Variants in DENND1A observed in about 807,000 individuals in gnomAD.
DENND1A encodes the protein DENN domain containing 1A.
A neutral mutation model predicts 113.7 loss-of-function variants in DENND1A; 51 were observed. The observed-to-expected ratio is 0.45, with a 90% CI of 0.36 to 0.57. DENND1A has a LOEUF of 0.57. DENND1A is among the 20% of genes least tolerant of loss of function. The pLI is 0.00. For synonymous variants in DENND1A, 565 were observed against 570.8 expected, an observed-to-expected ratio of 0.99 and a Z score of 0.14; for missense variants, 1,258 against 1,395.9, an observed-to-expected ratio of 0.90 and a Z score of 1.57.
rs546708178 is a variant in DENND1A at position 123,547,490 on chromosome 9, T to C, written c.993+10080A>G. Among the ~76,000 whole-genome samples, 9 of 152,236 alleles carry C rather than the reference T, an allele frequency of 5.9e-5. No homozygotes were observed. In the East Asian group the frequency reaches 1.5e-3, roughly 26 times the overall value. ...GTTGTGGTGAGCTGAGATGTCGCCA[T>C]TGCACTCCAGCCTGGGCAACAAGAG... On this transcript the variant is annotated intron_variant, in intron 13 of 23. Transcript: ENST00000394215.
chr9:123,726,864 T>C (rs547154151), intron 5 of DENND1A, among the ~76,000 whole-genome samples: 16 of 152,306 alleles, frequency 1.1e-4, no homozygotes, highest in Middle Eastern at 3.4e-3. Context: ...TGCAAAGGTA[T>C]CCTATCCTCC....
intron 13 of DENND1A, among the ~76,000 whole-genome samples, chr9:123,546,817 G>T (rs1202059274): frequency 6.6e-6 from 1 of 152,210 alleles, no homozygotes; most frequent in African/African-American, 2.4e-5. Flanking sequence ...ATTCCTCCAG[G>T]ATGGTGCAAG....
intron 2 of DENND1A, among the ~76,000 whole-genome samples, chr9:123,833,488 G>T (rs1226714183): frequency 6.6e-6 from 1 of 152,048 alleles, no homozygotes; most frequent in Non-Finnish European, 1.5e-5. Flanking sequence ...GATCAAGTGA[G>T]AACCCTGCCA....
At chr9:123,427,384 CG>C (rs1399761748) in intron 19 of DENND1A, among the ~76,000 whole-genome samples, 1 of 152,202 alleles carries the variant, frequency 6.6e-6, no homozygotes. Flanking sequence ...CTCCTAGCCC[CG>C]GGACTGCAGT....
In DENND1A at chr9:123,663,609, CTGGAGGGAGAGTGGGATTGGGGT is replaced by C. The variant is rs1385349595; in HGVS notation, c.507+3394_507+3416del. Reference sequence around the variant, plus strand: ...TCCTAGAGAAAGGTTTCATCAAACACTGGAGGGAGAGTGGGATTGGGGTTGGAGGGAGAGTGGGATTGGGGTTG... The same window carrying C: ...TCCTAGAGAAAGGTTTCATCAAACACTGGAGGGAGAGTGGGATTGGGGTTG... On this transcript the variant is annotated intron_variant, in intron 8 of 23. Transcript: ENST00000394215. Among the ~76,000 whole-genome samples the C allele has an allele frequency of 5.3e-5, 8 of 150,610 alleles. No individual in the cohort carries two copies. In the East Asian group the frequency reaches 5.9e-4, roughly 11 times the overall value.
chr9:123,509,408 G>A (rs1324091728), intron 13 of DENND1A, among the ~76,000 whole-genome samples: 2 of 152,198 alleles, frequency 1.3e-5, no homozygotes, highest in Non-Finnish European at 2.9e-5. Flanking sequence ...CTCAGGTTCT[G>A]TAAAGAGCGA....
intron 11 of DENND1A, among the ~76,000 whole-genome samples, chr9:123,607,520 CAG>C (rs33997878): frequency 0.024 from 1,783 of 73,504 alleles, 29 homozygotes; most frequent in African/African-American, 0.034. Context: ...CACACACACA[CAG>C]AGAGAGAGAG....
chr9:123,586,784 G>A (rs563827624), intron 11 of DENND1A, among the ~76,000 whole-genome samples: 2 of 152,290 alleles, frequency 1.3e-5, no homozygotes, highest in African/African-American at 4.8e-5. Flanking sequence ...GCGCGGATGA[G>A]AAGAAAGCCA....
intron 18 of DENND1A, among the ~76,000 whole-genome samples, chr9:123,442,980 A>G (rs1029632293): frequency 1.3e-5 from 2 of 152,202 alleles, no homozygotes; most frequent in African/African-American, 4.8e-5. Context: ...TGCTAAAAAG[A>G]AGAGTTTCCC....
At chr9:123,602,136 A>G (rs2059958577) in intron 11 of DENND1A, among the ~76,000 whole-genome samples, 1 of 152,312 alleles carries the variant, frequency 6.6e-6, no homozygotes. Flanking sequence ...GTGAATACCA[A>G]CATCTGCAGA....
chr9:123,398,687 C>T (rs916100951), intron 21 of DENND1A, among the ~76,000 whole-genome samples: 1 of 150,946 alleles, frequency 6.6e-6, no homozygotes, highest in South Asian at 2.1e-4. Context: ...ACCATTGGCT[C>T]TTTCTAAGCA....
Position 123,546,127 on chromosome 9 carries a change from T to C in DENND1A, c.993+11443A>G, listed in dbSNP as rs558489040. Among the ~76,000 whole-genome samples the C allele has an allele frequency of 4.5e-4, 68 of 152,312 alleles. 1 individual carries two copies. The highest frequency in any genetic ancestry group is 1.6e-3 in the African/African-American group (67 of 41,544). ...GGAGATGATCCTCCCTAACTCTAAA[T>C]GCCTGTGGTTAGCCACCATGCAGCT... On this transcript the variant is annotated intron_variant, in intron 13 of 23. Transcript: ENST00000394215.
intron 8 of DENND1A, among the ~76,000 whole-genome samples, chr9:123,657,045 C>T (rs1342660317): frequency 6.6e-6 from 1 of 152,242 alleles, no homozygotes; most frequent in Non-Finnish European, 1.5e-5. Context: ...AGCTATCCCC[C>T]ACCCAGGCTG....
intron 13 of DENND1A, among the ~76,000 whole-genome samples, chr9:123,526,176 C>T (rs1290217281): frequency 6.6e-6 from 1 of 151,344 alleles, no homozygotes; most frequent in Admixed American, 6.6e-5. Context: ...CATGTGCACA[C>T]ACACACACAC....
At chr9:123,456,297 G>A (rs993317426) in intron 15 of DENND1A, among the ~76,000 whole-genome samples, 1 of 152,126 alleles carries the variant, frequency 6.6e-6, no homozygotes, top group African/African-American at 2.4e-5. Flanking sequence ...ATAAAAGGGG[G>A]CCAGCAGCAT....
chr9:123,383,283 G>T lies in DENND1A; in HGVS notation c.2019+372C>A, dbSNP rs149883994. On this transcript the variant is annotated intron_variant, in intron 23 of 23. Transcript: ENST00000394215. ...ATTTGCATTCATAATGCAGAGCCAAGAACTTGCATCCACAGGCTCTGCCAA... is the reference window on the plus strand; with the variant it reads ...ATTTGCATTCATAATGCAGAGCCAATAACTTGCATCCACAGGCTCTGCCAA... 3.7e-3 allele frequency among the ~76,000 whole-genome samples: 557 copies of T among 152,356 alleles called. 7 individuals are homozygous for T. Among genetic ancestry groups the T allele is most frequent in the Middle Eastern group, 0.031 (9 of 294 alleles).
intron 2 of DENND1A, among the ~76,000 whole-genome samples, chr9:123,877,015 G>A (rs986453201): frequency 5.3e-5 from 8 of 152,304 alleles, no homozygotes; most frequent in Middle Eastern, 3.4e-3. Context: ...TGGTCATAGA[G>A]TGTGGAATAA....
At chr9:123,880,969 G>A (rs146678241) in intron 1 of DENND1A, among the ~76,000 whole-genome samples, 38 of 152,206 alleles carry the variant, frequency 2.5e-4, no homozygotes, top group Middle Eastern at 6.8e-3. Flanking sequence ...TTCCTTAGGA[G>A]GGGAAAGAAA....
chr9:123,622,419 C>A (rs1401195281), intron 10 of DENND1A, among the ~76,000 whole-genome samples: 2 of 152,162 alleles, frequency 1.3e-5, no homozygotes, highest in Non-Finnish European at 2.9e-5. Flanking sequence ...CTTTTATTAG[C>A]AAAATTTAAT....
Sources: allele counts gnomAD v4.1 joint callset (sites outside exome capture counted in the v4.1 genomes callset), GRCh38; gene constraint gnomAD v4.1.1; transcripts MANE v1.5; gene names NCBI Gene and HGNC (gene_info 2026-07-23, HGNC 2026-07-21).